Variants in PDE8A observed in about 807,000 individuals in gnomAD.
PDE8A encodes phosphodiesterase 8A, also known as high affinity cAMP-specific and IBMX-insensitive 3',5'-cyclic phosphodiesterase 8A.
Under a neutral mutation model 105.0 loss-of-function variants are expected in PDE8A, and 59 were observed. The ratio of observed to expected loss-of-function variants is 0.56; its 90% CI spans 0.46 to 0.70. The LOEUF (loss-of-function observed/expected upper bound fraction) is 0.70, where lower values mean the gene tolerates loss of function less well. Among genes scored for constraint, PDE8A ranks in the 30% least tolerant of loss-of-function variants. PDE8A has a pLI of 0.00. For missense variants in PDE8A, 1,014 were observed against 1,045.9 expected (o/e 0.97, Z 0.42); for synonymous variants, 355 against 371.9 (o/e 0.95, Z 0.52).
chr15:85,087,090 T>A (rs2141518007), intron 6 of PDE8A, among the ~76,000 whole-genome samples: 1 of 151,948 alleles, frequency 6.6e-6, no homozygotes, highest in Admixed American at 6.6e-5. Flanking sequence ...TAAATTTACA[T>A]ATTATCTCCT....
In PDE8A at chr15:85,129,577, G is replaced by C. The variant is rs74345902; in HGVS notation, c.2253+3203G>C. 5.7e-3 allele frequency among the ~76,000 whole-genome samples: 865 copies of C among 152,164 alleles called. 7 individuals carry two copies. The highest frequency in any genetic ancestry group is 0.02 in the African/African-American group (831 of 41,512). On this transcript the variant is annotated intron_variant, in intron 20 of 21. Transcript: ENST00000394553. Reference sequence around the variant, plus strand: ...GGAGTAATGTTCCCACTTTCATTCTGATTTTGGTAATTTGGGTCTTGTCTT... The same window carrying C: ...GGAGTAATGTTCCCACTTTCATTCTCATTTTGGTAATTTGGGTCTTGTCTT...
chr15:85,013,174 G>A (rs993456621), intron 1 of PDE8A, among the ~76,000 whole-genome samples: 1 of 152,186 alleles, frequency 6.6e-6, no homozygotes, highest in Non-Finnish European at 1.5e-5. Flanking sequence ...ATGGAAGGTA[G>A]TATTTACATA....
intron 8 of PDE8A, among the ~76,000 whole-genome samples, chr15:85,094,035 GC>G (rs1033028560): frequency 1.3e-5 from 2 of 151,968 alleles, no homozygotes; most frequent in African/African-American, 4.8e-5. Flanking sequence ...AATTTTTTAA[GC>G]ATATTTTTTA....
intron 9 of PDE8A, among the ~76,000 whole-genome samples, chr15:85,098,246 G>A (rs1170350929): frequency 6.6e-6 from 1 of 152,208 alleles, no homozygotes; most frequent in East Asian, 1.9e-4. Context: ...CATACTCTGG[G>A]CAGTCTTGTT....
rs1351339427 is a variant in PDE8A, at chr15:85,089,368, A to G, written c.666A>G (p.Glu222=). The change falls in exon 7 of 22, where the codon GAA becomes GAG. Residue 222 remains glutamate, a synonymous_variant. Coordinates refer to ENST00000394553, the MANE Select transcript of PDE8A (RefSeq NM_002605.3). ...GTAACTCAGTATTCACTGCATTAGAAAACAGTGAAGATGCAATTGAAATTA... is the reference window on the plus strand; with the variant it reads ...GTAACTCAGTATTCACTGCATTAGAGAACAGTGAAGATGCAATTGAAATTA... ...RACNSVFTAL[E]NSEDAIEITS... The G allele has an allele frequency of 6.3e-7, 1 of 1,595,174 alleles. No homozygotes were observed. Among genetic ancestry groups the G allele is most frequent in the Non-Finnish European group, 8.6e-7 (1 of 1,164,986 alleles).
At chr15:85,130,688 C>T (rs990645302) in intron 20 of PDE8A, among the ~76,000 whole-genome samples, 2 of 152,132 alleles carry the variant, frequency 1.3e-5, no homozygotes, top group Non-Finnish European at 2.9e-5. Context: ...TCTGTTTCTT[C>T]CTTCAGTTCT....
chr15:85,017,096 C>T (rs2080337293), intron 1 of PDE8A, among the ~76,000 whole-genome samples: 1 of 150,878 alleles, frequency 6.6e-6, no homozygotes. Flanking sequence ...CCCGTCTCTA[C>T]TAAAAATACA....
At chr15:85,058,423 A>G (rs757221248) in intron 1 of PDE8A, among the ~76,000 whole-genome samples, 1 of 152,166 alleles carries the variant, frequency 6.6e-6, no homozygotes, top group Non-Finnish European at 1.5e-5. Context: ...GCGTCATAGA[A>G]TGAGTTAGGA....
At chr15:85,106,072 T>G (rs1222174489) in intron 11 of PDE8A, among the ~76,000 whole-genome samples, 2 of 152,120 alleles carry the variant, frequency 1.3e-5, no homozygotes, top group Admixed American at 1.3e-4. Flanking sequence ...TTACATAAAG[T>G]AACTTTGAAA....
chr15:85,086,592 T>C (rs2081556588), intron 6 of PDE8A, among the ~76,000 whole-genome samples: 1 of 152,120 alleles, frequency 6.6e-6, no homozygotes, highest in Non-Finnish European at 1.5e-5. Context: ...ACCTCACTAA[T>C]AAAGACATGC....
intron 2 of PDE8A, 73 bp downstream of exon 2, chr15:85,064,499 C>T: frequency 3.1e-6 from 3 of 954,656 alleles, no homozygotes; most frequent in Non-Finnish European, 5.0e-6. Flanking sequence ...GCTAAATTTA[C>T]ACATTTAAAA....
chr15:85,126,374 G>A lies in PDE8A; in HGVS notation c.2253G>A (p.Gln751=), dbSNP rs755490265. 1.9e-6 allele frequency: 3 copies of A among 1,566,936 alleles called. No individual in the cohort carries two copies. Among genetic ancestry groups the A allele is most frequent in the Admixed American group, 3.5e-5 (2 of 57,380 alleles). ...GCATTTCGGAAGAATATTTTTCTCA[G>A]GTAAGTTGCTGCCTCTTTTAAGTTT... The part of the protein sequence containing the change: ...AARISEEYFS[Q]TDEEKQQGLP... The change falls in exon 20 of 22, where the codon CAG becomes CAA. Residue 751 remains glutamine, a splice_region_variant and synonymous_variant. Coordinates refer to ENST00000394553, the MANE Select transcript of PDE8A (RefSeq NM_002605.3).
chr15:85,024,869 T>C (rs1187712126), intron 1 of PDE8A, among the ~76,000 whole-genome samples: 2 of 152,352 alleles, frequency 1.3e-5, no homozygotes, highest in African/African-American at 4.8e-5. Context: ...TTGTTAGTCA[T>C]TCTTTTGAAC....
chr15:85,073,400 C>T (rs2081340225), intron 3 of PDE8A, among the ~76,000 whole-genome samples: 1 of 152,168 alleles, frequency 6.6e-6, no homozygotes, highest in African/African-American at 2.4e-5. Context: ...CCTTTTTATA[C>T]AGTTTTAGAG....
chr15:85,091,403 A>G (rs1331288537), intron 8 of PDE8A, among the ~76,000 whole-genome samples: 1 of 152,226 alleles, frequency 6.6e-6, no homozygotes, highest in Non-Finnish European at 1.5e-5. Context: ...TTGAATTGAC[A>G]CTTAACAATC....
rs1255012592 is a variant in PDE8A, at chr15:85,126,284, G to T, written c.2163G>T (p.Leu721=). Residue 721 remains leucine, a synonymous_variant, in exon 20 of 22, where the codon CTG becomes CTT. Coordinates refer to ENST00000394553, the MANE Select transcript of PDE8A (RefSeq NM_002605.3). ...PENRTLIKRM[L]IKCADVSNPC... ...ACCGGACCCTAATCAAACGAATGCT[G>T]ATTAAATGTGCTGATGTGTCCAATC... is the stretch of plus-strand genomic sequence containing the variant. The T allele has an allele frequency of 1.9e-6, 3 of 1,613,298 alleles. No homozygotes were observed. The highest frequency in any genetic ancestry group is 1.1e-5 in the South Asian group (1 of 90,946).
intron 3 of PDE8A, among the ~76,000 whole-genome samples, chr15:85,067,668 G>A (rs1304528094): frequency 1.3e-5 from 2 of 152,108 alleles, no homozygotes; most frequent in African/African-American, 2.4e-5. Context: ...ATTTGTTGCT[G>A]ATGGAAGCAA....
intron 1 of PDE8A, among the ~76,000 whole-genome samples, chr15:85,006,618 T>C (rs1339135409): frequency 6.6e-6 from 1 of 152,264 alleles, no homozygotes; most frequent in Non-Finnish European, 1.5e-5. Flanking sequence ...TGTTTTCCTA[T>C]TGGAGAAATA....
chr15:84,982,788 ACCACTCTTTT>A (rs2079738997), intron 1 of PDE8A, among the ~76,000 whole-genome samples: 1 of 152,178 alleles, frequency 6.6e-6, no homozygotes, highest in Non-Finnish European at 1.5e-5. Context: ...GACTGGCCTC[ACCACTCTTTT>A]CCCTCTGTCA....
Sources: gnomAD v4.1 joint callset for allele counts (sites outside exome capture counted in the v4.1 genomes callset) on GRCh38, gnomAD v4.1.1 for gene constraint, MANE v1.5 for transcripts, NCBI Gene and HGNC (gene_info 2026-07-23, HGNC 2026-07-21) for gene names.